Variants in CDS1 observed in about 807,000 individuals in gnomAD.
CDS1 encodes phosphatidate cytidylyltransferase 1.
CDS1 carries 41 observed loss-of-function variants against 62.1 expected under a neutral mutation model. The observed-to-expected ratio is 0.66, with a 90% confidence interval of 0.51 to 0.86. The LOEUF (loss-of-function observed/expected upper bound fraction) is 0.86. Ranked by LOEUF, CDS1 falls within the 40% of genes least tolerant of loss-of-function variation. The probability of loss-of-function intolerance (pLI) is 0.00; values close to 1 mark genes in which losing one functional copy is unlikely to be tolerated. For missense variants in CDS1, 470 were observed against 550.1 expected (o/e 0.85, Z 1.46); for synonymous variants, 185 against 192.6 (o/e 0.96, Z 0.32).
At chr4:84,642,891 GT>G in intron 10 of CDS1, 132 bp from the exon 11 acceptor site, 1 of 864,780 alleles carries the variant, frequency 1.2e-6, no homozygotes, top group South Asian at 2.3e-5. Context: ...GATCCTTAAA[GT>G]TTGAAAAATT....
chr4:84,609,180 C>CAAAAAA (rs1230335142), intron 2 of CDS1, among the ~76,000 whole-genome samples: 39 of 91,096 alleles, frequency 4.3e-4, no homozygotes, highest in African/African-American at 7.0e-4. Context: ...GACTCCGTCT[C>CAAAAAA]AAAAAAAAAA....
chr4:84,602,484 T>C (rs750775159), intron 1 of CDS1, among the ~76,000 whole-genome samples: 3 of 152,154 alleles, frequency 2.0e-5, no homozygotes, highest in South Asian at 2.1e-4. Context: ...TGAGTTTCCT[T>C]CAGATTAAGT....
intron 5 of CDS1, among the ~76,000 whole-genome samples, chr4:84,624,272 TCAAAAAAAAAAAAACAAA>T (rs948002899): frequency 8.4e-6 from 1 of 118,618 alleles, no homozygotes; most frequent in Non-Finnish European, 1.7e-5. Flanking sequence ...AGACTCTGTC[TCAAAAAAAAAAAAACAAA>T]CAAAAAAAAA....
At chr4:84,599,175 T>C (rs1722843239) in intron 1 of CDS1, among the ~76,000 whole-genome samples, 1 of 152,080 alleles carries the variant, frequency 6.6e-6, no homozygotes. Flanking sequence ...GATAACTTGC[T>C]GTGTCCTCCC....
At position 84,583,438 on chromosome 4, in the gene CDS1, C is replaced by G; in HGVS notation, c.37C>G (p.Pro13Ala). 6.3e-7 allele frequency: 1 copy of G among 1,594,276 alleles called. No homozygotes were observed. The stretch of plus-strand genomic sequence containing the variant: ...GAGGCACCGGGGAAGCTGCCCCGGC[C>G]CCAGGGAAGCGGTGTCGCCGCCACA... ...ELRHRGSCPG[P>A]REAVSPPHRE... The change falls in exon 1 of 13, where the codon CCC (proline) becomes GCC (alanine). Residue 13 changes from proline to alanine, a missense_variant. Pro to Ala is a conservative substitution (Grantham distance 27). Transcript: ENST00000295887.
intron 1 of CDS1, among the ~76,000 whole-genome samples, chr4:84,592,719 C>CT (rs1722630010): frequency 6.6e-6 from 1 of 152,172 alleles, no homozygotes; most frequent in African/African-American, 2.4e-5. Flanking sequence ...TTTATAGCTG[C>CT]TTTTTGCAAA....
chr4:84,615,037 G>A lies in CDS1; in HGVS notation c.343-2527G>A, dbSNP rs556093827. ...TCAGAAGCTGGGCTTTGGATAATTCGTGGAGCAGGTGCTGTGTGCCCTGAG... is the reference window on the plus strand; with the variant it reads ...TCAGAAGCTGGGCTTTGGATAATTCATGGAGCAGGTGCTGTGTGCCCTGAG... On this transcript the variant is annotated intron_variant, in intron 3 of 12. Coordinates refer to ENST00000295887, the MANE Select transcript of CDS1 (RefSeq NM_001263.4). 5.3e-5 allele frequency among the ~76,000 whole-genome samples: 8 copies of A among 152,258 alleles called. No homozygotes were observed. In the East Asian group the frequency reaches 5.8e-4, roughly 11 times the overall value.
chr4:84,590,652 T>G (rs545665830), intron 1 of CDS1, among the ~76,000 whole-genome samples: 12 of 152,318 alleles, frequency 7.9e-5, no homozygotes, highest in African/African-American at 2.2e-4. Context: ...AAGACTTTAC[T>G]TGAGCCAAAG....
intron 10 of CDS1, among the ~76,000 whole-genome samples, chr4:84,642,648 A>C (rs1724422185): frequency 1.3e-5 from 2 of 152,188 alleles, no homozygotes; most frequent in Non-Finnish European, 2.9e-5. Flanking sequence ...GAAATAAAAT[A>C]CAATATTAAA....
rs529505780 is a variant in CDS1, at chr4:84,611,936, A to G, written c.342+2411A>G. ...CTGGGACTTGGGCATTTAAGAAGCA[A>G]GTGTGTGCAGAGCACTTTTCAATGC... On this transcript the variant is annotated intron_variant, in intron 3 of 12. Coordinates refer to ENST00000295887, the MANE Select transcript of CDS1 (RefSeq NM_001263.4). Among the ~76,000 whole-genome samples, 40 of 152,200 alleles carry G rather than the reference A, an allele frequency of 2.6e-4. 1 individual carries two copies. The South Asian group carries it at 7.9e-3, about 30-fold the overall frequency.
At chr4:84,599,947 A>G (rs1293074237) in intron 1 of CDS1, among the ~76,000 whole-genome samples, 1 of 152,172 alleles carries the variant, frequency 6.6e-6, no homozygotes, top group Non-Finnish European at 1.5e-5. Flanking sequence ...TAATTTTTAA[A>G]AAAACTGTGA....
chr4:84,589,771 C>T (rs1008120054), intron 1 of CDS1, among the ~76,000 whole-genome samples: 1 of 152,032 alleles, frequency 6.6e-6, no homozygotes, highest in Admixed American at 6.6e-5. Flanking sequence ...CAAGTTGTAA[C>T]GTATTTGAGA....
At chr4:84,623,521 G>C (rs565257851) in intron 5 of CDS1, among the ~76,000 whole-genome samples, 21 of 152,218 alleles carry the variant, frequency 1.4e-4, no homozygotes, top group Non-Finnish European at 2.8e-4. Context: ...CTGTTTTCTA[G>C]CTTCCAAATT....
At chr4:84,612,756 C>T (rs865885613) in intron 3 of CDS1, among the ~76,000 whole-genome samples, 4 of 151,544 alleles carry the variant, frequency 2.6e-5, no homozygotes, top group Admixed American at 6.6e-5. Context: ...CTTGGGAGGC[C>T]GAGGCAGGTA....
At chr4:84,593,863 A>G (rs1218384750) in intron 1 of CDS1, among the ~76,000 whole-genome samples, 1 of 152,234 alleles carries the variant, frequency 6.6e-6, no homozygotes, top group Non-Finnish European at 1.5e-5. Context: ...ACAAGAATTT[A>G]GATTAAAATA....
At chr4:84,648,303 A>G (rs923022507) in intron 12 of CDS1, among the ~76,000 whole-genome samples, 1 of 152,096 alleles carries the variant, frequency 6.6e-6, no homozygotes, top group Non-Finnish European at 1.5e-5. Context: ...GCTTTTGTAG[A>G]ACTTAGATCT....
At chr4:84,646,878 C>G (rs1724573264) in intron 12 of CDS1, among the ~76,000 whole-genome samples, 1 of 152,146 alleles carries the variant, frequency 6.6e-6, no homozygotes, top group African/African-American at 2.4e-5. Flanking sequence ...GTTAAAGTCT[C>G]TCATTGTGAT....
At chr4:84,640,200 T>G (rs187430579) in intron 9 of CDS1, among the ~76,000 whole-genome samples, 1 of 149,108 alleles carries the variant, frequency 6.7e-6, no homozygotes, top group Admixed American at 6.7e-5. Context: ...AAACTGGTTG[T>G]TTGGAAGCAA....
chr4:84,632,596 G>T (rs189849614), intron 6 of CDS1, among the ~76,000 whole-genome samples: 24 of 152,116 alleles, frequency 1.6e-4, no homozygotes, highest in African/African-American at 5.8e-4. Context: ...TAATTTAAGG[G>T]AATCTGAGCA....
Sources: allele counts gnomAD v4.1 joint callset (sites outside exome capture counted in the v4.1 genomes callset), GRCh38; gene constraint gnomAD v4.1.1; transcripts MANE v1.5; gene names NCBI Gene and HGNC (gene_info 2026-07-23, HGNC 2026-07-21).